Variants in BMP5 observed in about 807,000 individuals in gnomAD.
BMP5 encodes the protein bone morphogenetic protein 5.
Under a neutral mutation model 46.6 loss-of-function variants are expected in BMP5, and 23 were observed. The observed-to-expected ratio is 0.49, with a 90% CI of 0.35 to 0.70. BMP5 has a LOEUF of 0.70. BMP5 is among the 30% of genes least tolerant of loss of function. The pLI is 0.00. For missense variants in BMP5, 545 were observed against 565.6 expected (o/e 0.96, Z 0.37); for synonymous variants, 204 against 191.9 (o/e 1.06, Z -0.52).
Position 55,794,441 on chromosome 6 carries a change from G to A in BMP5, c.684-14C>T, listed in dbSNP as rs747067773. 3.1e-6 allele frequency: 5 copies of A among 1,612,934 alleles called. No individual in the cohort carries two copies. In the East Asian group the frequency reaches 1.1e-4, roughly 36 times the overall value. On this transcript the variant is annotated splice_polypyrimidine_tract_variant and intron_variant, in intron 2 of 6. Transcript: ENST00000370830. Reference sequence around the variant, plus strand: ...AGATCTGCATCCCTAAAAAGAAAAGGAACAACAAAAAAAGTTAAAGGTTTA... The same window carrying A: ...AGATCTGCATCCCTAAAAAGAAAAGAAACAACAAAAAAAGTTAAAGGTTTA...
At chr6:55,764,152 C>T (rs228141) in intron 4 of BMP5, among the ~76,000 whole-genome samples, 75,566 of 152,028 alleles carry the variant, frequency 0.5, 19,604 homozygotes, top group Middle Eastern at 0.62. Flanking sequence ...GTTGAAGATA[C>T]ATCTGCACTC....
chr6:55,826,122 T>C (rs1018570941), intron 1 of BMP5, among the ~76,000 whole-genome samples: 1 of 151,806 alleles, frequency 6.6e-6, no homozygotes, highest in African/African-American at 2.4e-5. Context: ...TGAAAGAATA[T>C]GTACATGTTT....
Position 55,755,332 on chromosome 6 carries a change from T to C in BMP5, c.*201A>G. Reference sequence around the variant, plus strand: ...AATGTAGTGGCCTATGAAATAGATTTTATTGATAAAGCCTCCACAGAAGAG... The same window carrying C: ...AATGTAGTGGCCTATGAAATAGATTCTATTGATAAAGCCTCCACAGAAGAG... On this transcript the variant is annotated 3_prime_UTR_variant, in exon 7 of 7. Coordinates refer to ENST00000370830, the MANE Select transcript of BMP5 (RefSeq NM_021073.4). 1.9e-6 allele frequency: 1 copy of C among 531,398 alleles called. No individual in the cohort carries two copies. The highest frequency in any genetic ancestry group is 2.5e-5 in the South Asian group (1 of 39,446). 32.9% of individuals were successfully genotyped at this position (531,398 alleles called of 1,614,324 possible).
chr6:55,786,563 T>C (rs1775455507), intron 3 of BMP5, among the ~76,000 whole-genome samples: 1 of 151,690 alleles, frequency 6.6e-6, no homozygotes, highest in Non-Finnish European at 1.5e-5. Flanking sequence ...TTCAATTTTA[T>C]TTATTAATTT....
At chr6:55,803,719 T>G (rs772794433) in intron 2 of BMP5, among the ~76,000 whole-genome samples, 7 of 152,160 alleles carry the variant, frequency 4.6e-5, no homozygotes, top group African/African-American at 9.7e-5. Context: ...TCCTTCAGCT[T>G]CTCTACATCC....
chr6:55,866,039 C>A (rs1013949928), intron 1 of BMP5, among the ~76,000 whole-genome samples: 3 of 152,142 alleles, frequency 2.0e-5, no homozygotes, highest in African/African-American at 7.2e-5. Context: ...TAATTAATAA[C>A]CTTCATTGCT....
chr6:55,758,341 T>G (rs1377201783), intron 6 of BMP5, among the ~76,000 whole-genome samples: 1 of 151,844 alleles, frequency 6.6e-6, no homozygotes, highest in African/African-American at 2.4e-5. Flanking sequence ...TACATCAGAC[T>G]CTCAATAGGT....
intron 1 of BMP5, among the ~76,000 whole-genome samples, chr6:55,862,141 G>T (rs1229183717): frequency 2.6e-5 from 4 of 152,224 alleles, no homozygotes; most frequent in Admixed American, 1.3e-4. Flanking sequence ...TTTTATGATA[G>T]AATGCTTTGT....
At chr6:55,760,976 A>T (rs542982023) in intron 4 of BMP5, among the ~76,000 whole-genome samples, 1 of 152,028 alleles carries the variant, frequency 6.6e-6, no homozygotes, top group Non-Finnish European at 1.5e-5. Context: ...TACTTAGCTG[A>T]TTTTATTTTA....
At chr6:55,861,212 T>G (rs1777519477) in intron 1 of BMP5, among the ~76,000 whole-genome samples, 2 of 152,200 alleles carry the variant, frequency 1.3e-5, no homozygotes, top group Non-Finnish European at 1.5e-5. Flanking sequence ...ACTTCCACTT[T>G]AGTAGGTTTC....
intron 2 of BMP5, among the ~76,000 whole-genome samples, chr6:55,816,329 T>C (rs1342809753): frequency 6.6e-6 from 1 of 152,022 alleles, no homozygotes; most frequent in Non-Finnish European, 1.5e-5. Flanking sequence ...ATAATCCAAG[T>C]GTGAAAACAG....
chr6:55,753,665 A>G lies in BMP5; in HGVS notation c.*1868T>C, dbSNP rs967593598. On this transcript the variant is annotated 3_prime_UTR_variant, in exon 7 of 7. Coordinates refer to ENST00000370830, the MANE Select transcript of BMP5 (RefSeq NM_021073.4). Reference sequence around the variant, plus strand: ...TTTAATTCATGGATTGTTGCTTTGCACATTTAATAGTGAGATAATTATTAA... The same window carrying G: ...TTTAATTCATGGATTGTTGCTTTGCGCATTTAATAGTGAGATAATTATTAA... The G allele has an allele frequency of 6.6e-6, 1 of 152,012 alleles. No homozygotes were observed. The highest frequency in any genetic ancestry group is 2.4e-5 in the African/African-American group (1 of 41,436). The allele number at this position is 152,012 out of a possible 1,614,324, so 9.4% of individuals were successfully genotyped here.
At chr6:55,818,192 G>A (rs1776322529) in intron 2 of BMP5, among the ~76,000 whole-genome samples, 1 of 151,780 alleles carries the variant, frequency 6.6e-6, no homozygotes, top group South Asian at 2.1e-4. Flanking sequence ...GATGACTTTA[G>A]ATGACATGTA....
At chr6:55,855,241 T>C (rs1223147140) in intron 1 of BMP5, among the ~76,000 whole-genome samples, 1 of 152,000 alleles carries the variant, frequency 6.6e-6, no homozygotes, top group African/African-American at 2.4e-5. Context: ...TTTTATTCAA[T>C]TAGTTATTTT....
At chr6:55,786,852 A>C (rs2127526195) in intron 3 of BMP5, among the ~76,000 whole-genome samples, 1 of 151,776 alleles carries the variant, frequency 6.6e-6, no homozygotes, top group South Asian at 2.1e-4. Flanking sequence ...TAAATTCAGC[A>C]AAAGGGGAGC....
intron 1 of BMP5, among the ~76,000 whole-genome samples, chr6:55,822,645 C>T (rs1776436272): frequency 6.6e-6 from 1 of 152,006 alleles, no homozygotes. Context: ...CATGAGTTTG[C>T]TAGGATCCAA....
Position 55,874,622 on chromosome 6 carries a change from G to C in BMP5, c.244C>G (p.Leu82Val), listed in dbSNP as rs1053899244. The C allele has an allele frequency of 6.2e-7, 1 of 1,613,502 alleles. No individual in the cohort carries two copies. The highest frequency in any genetic ancestry group is 1.3e-5 in the African/African-American group (1 of 74,848). The change falls in exon 1 of 7, where the codon CTG becomes GTG. Residue 82 changes from leucine to valine, a missense_variant. Leu to Val is a conservative substitution (Grantham distance 32). Coordinates refer to ENST00000370830, the MANE Select transcript of BMP5 (RefSeq NM_021073.4). ...KQASSAPLFM[L>V]DLYNAMTNEE... ...TTGGTCATGGCATTGTAGAGATCCA[G>C]CATAAAGAGAGGTGCAGAGGACGCT... is the stretch of plus-strand genomic sequence containing the variant.
chr6:55,780,694 G>A (rs956024035), intron 3 of BMP5, among the ~76,000 whole-genome samples: 7 of 151,966 alleles, frequency 4.6e-5, no homozygotes, highest in African/African-American at 9.7e-5. Flanking sequence ...GAAAAGAAAC[G>A]GGATATTTGG....
At chr6:55,840,848 C>T (rs976632921) in intron 1 of BMP5, among the ~76,000 whole-genome samples, 1 of 152,130 alleles carries the variant, frequency 6.6e-6, no homozygotes, top group Admixed American at 6.5e-5. Context: ...CTGTACATTT[C>T]GTAGTATAGT....
Sources: allele counts gnomAD v4.1 joint callset (sites outside exome capture counted in the v4.1 genomes callset), GRCh38; gene constraint gnomAD v4.1.1; transcripts MANE v1.5; gene names NCBI Gene and HGNC (gene_info 2026-07-23, HGNC 2026-07-21).